ARB2A: variants seen among roughly 807,000 people sequenced by gnomAD.
ARB2A encodes cotranscriptional regulator ARB2A.
At chr5:93,865,247 A>C in the ARB2A span, 1 of 259,072 alleles carries the variant, frequency 3.9e-6, no homozygotes, top group Non-Finnish European at 6.0e-6. Context: ...ATGCCTGGCT[A>C]ATTTTTTGTA....
chr5:93,809,313 A>AC, the ARB2A span, among the ~76,000 whole-genome samples: 1 of 152,058 alleles, frequency 6.6e-6, no homozygotes, highest in Non-Finnish European at 1.5e-5. Flanking sequence ...AATCATTTGT[A>AC]CACCAAACTC....
the ARB2A span, among the ~76,000 whole-genome samples, chr5:93,627,814 T>C: frequency 6.6e-6 from 1 of 152,162 alleles, no homozygotes; most frequent in Non-Finnish European, 1.5e-5. Flanking sequence ...AGAACGAATG[T>C]TGTGTTAGCA....
At chr5:93,742,096 A>G in the ARB2A span, among the ~76,000 whole-genome samples, 1 of 152,076 alleles carries the variant, frequency 6.6e-6, no homozygotes, top group Non-Finnish European at 1.5e-5. Flanking sequence ...TAAGAAACCT[A>G]GGCAACCCTG....
the ARB2A span, among the ~76,000 whole-genome samples, chr5:93,638,515 G>T: frequency 6.6e-6 from 1 of 151,924 alleles, no homozygotes; most frequent in Non-Finnish European, 1.5e-5. Flanking sequence ...ACTTGTTGTT[G>T]GCATATAGAA....
At chr5:93,729,143 CA>C in the ARB2A span, among the ~76,000 whole-genome samples, 1 of 152,008 alleles carries the variant, frequency 6.6e-6, no homozygotes, top group Non-Finnish European at 1.5e-5. Context: ...CACCTCGCTC[CA>C]CTCCTAGTTA....
the ARB2A span, among the ~76,000 whole-genome samples, chr5:93,647,199 T>G: frequency 1.4e-4 from 21 of 152,084 alleles, no homozygotes; most frequent in African/African-American, 5.1e-4. Flanking sequence ...CTTTTTAGTC[T>G]CTAGTACAGG....
At chr5:93,971,288 C>A in the ARB2A span, among the ~76,000 whole-genome samples, 1 of 152,088 alleles carries the variant, frequency 6.6e-6, no homozygotes, top group Non-Finnish European at 1.5e-5. Flanking sequence ...CAATATTTAG[C>A]CAGGCACGGT....
chr5:93,683,088 C>T, the ARB2A span: 1 of 1,564,418 alleles, frequency 6.4e-7, no homozygotes, highest in Non-Finnish European at 8.7e-7. Flanking sequence ...GAGTCTTTTC[C>T]ATTCTGATTT....
At chr5:94,088,083 G>A in the ARB2A span, among the ~76,000 whole-genome samples, 1 of 152,154 alleles carries the variant, frequency 6.6e-6, no homozygotes, top group African/African-American at 2.4e-5. Context: ...TGACAGTGCC[G>A]TTCCATCTAT....
the ARB2A span, among the ~76,000 whole-genome samples, chr5:93,817,392 G>A: frequency 7.9e-5 from 12 of 152,054 alleles, no homozygotes; most frequent in Admixed American, 2.0e-4. Context: ...TTGTCAAGAT[G>A]GCAACACTCC....
the ARB2A span, among the ~76,000 whole-genome samples, chr5:93,975,300 G>A: frequency 7.8e-6 from 1 of 128,500 alleles, no homozygotes; most frequent in African/African-American, 3.0e-5. Context: ...CTGGGACACA[G>A]AGCAAGACTC....
chr5:93,947,508 C>CTTTT, the ARB2A span, among the ~76,000 whole-genome samples: 3 of 149,476 alleles, frequency 2.0e-5, no homozygotes, highest in South Asian at 6.3e-4. Flanking sequence ...ACTGTATCTT[C>CTTTT]TTTTTATTAT....
At chr5:93,833,378 A>G in the ARB2A span, among the ~76,000 whole-genome samples, 3 of 152,198 alleles carry the variant, frequency 2.0e-5, no homozygotes, top group African/African-American at 2.4e-5. Flanking sequence ...GTGGCAAAAG[A>G]CTGGTGGTCA....
the ARB2A span, among the ~76,000 whole-genome samples, chr5:93,847,466 CAT>C: frequency 6.6e-6 from 1 of 151,918 alleles, no homozygotes; most frequent in Non-Finnish European, 1.5e-5. Context: ...GTATAGCAAA[CAT>C]ATCCTAGTTT....
the ARB2A span, among the ~76,000 whole-genome samples, chr5:93,972,469 A>C: frequency 6.8e-6 from 1 of 147,342 alleles, no homozygotes; most frequent in Non-Finnish European, 1.5e-5. Context: ...TAGCAAACTA[A>C]AAAAAAAAAA....
the ARB2A span, among the ~76,000 whole-genome samples, chr5:93,656,934 T>C: frequency 2.0e-5 from 3 of 152,150 alleles, no homozygotes; most frequent in East Asian, 1.9e-4. Context: ...CATTTTTCCA[T>C]GCTGTCCTCA....
chr5:93,935,244 A>G, the ARB2A span, among the ~76,000 whole-genome samples: 5 of 152,200 alleles, frequency 3.3e-5, no homozygotes, highest in Admixed American at 2.0e-4. Context: ...CGATATTTTT[A>G]GTGGAAAATT....
the ARB2A span, among the ~76,000 whole-genome samples, chr5:93,880,319 G>A: frequency 6.6e-6 from 1 of 151,520 alleles, no homozygotes; most frequent in African/African-American, 2.4e-5. Context: ...AAAATATTTT[G>A]AATGTTTAAA....
At chr5:93,853,065 G>C in the ARB2A span, among the ~76,000 whole-genome samples, 2 of 152,122 alleles carry the variant, frequency 1.3e-5, no homozygotes, top group Non-Finnish European at 2.9e-5. Flanking sequence ...CCATTTTCAT[G>C]ATATTGATTC....
Sources: gnomAD v4.1 joint callset for allele counts (sites outside exome capture counted in the v4.1 genomes callset) on GRCh38, gnomAD v4.1.1 for gene constraint, MANE v1.5 for transcripts, NCBI Gene and HGNC (gene_info 2026-07-23, HGNC 2026-07-21) for gene names.